THSD7A: variants seen among roughly 807,000 people sequenced by gnomAD.
THSD7A encodes the protein thrombospondin type 1 domain containing 7A, also known as thrombospondin type-1 domain-containing protein 7A.
Under a neutral mutation model 231.3 loss-of-function variants are expected in THSD7A, and 96 were observed. The ratio of observed to expected loss-of-function variants is 0.41; its 90% CI spans 0.35 to 0.49. The LOEUF is 0.49. Among genes scored for constraint, THSD7A ranks in the 20% least tolerant of loss-of-function variants. THSD7A has a pLI of 0.05. For synonymous variants in THSD7A, 940 were observed against 743.3 expected (o/e 1.26, Z -4.30); for missense variants, 2,290 against 2,070.2 (o/e 1.11, Z -2.06).
chr7:11,726,726 T>G (rs1781560835), intron 1 of THSD7A, among the ~76,000 whole-genome samples: 1 of 152,054 alleles, frequency 6.6e-6, no homozygotes. Flanking sequence ...AAATACCATG[T>G]GAATCCTGAG....
chr7:11,583,101 T>G (rs1244454128), intron 4 of THSD7A, among the ~76,000 whole-genome samples: 3 of 152,262 alleles, frequency 2.0e-5, no homozygotes, highest in Admixed American at 1.3e-4. Flanking sequence ...TGCTAATAAC[T>G]CTTTAGTTCA....
chr7:11,726,971 G>A (rs2128155642), intron 1 of THSD7A, among the ~76,000 whole-genome samples: 1 of 152,058 alleles, frequency 6.6e-6, no homozygotes, highest in South Asian at 2.1e-4. Flanking sequence ...GGCTGCTGGA[G>A]CTCTGACAAG....
Position 11,593,382 on chromosome 7 carries a change from G to C in THSD7A, c.1143C>G (p.Ser381=). The change falls in exon 3 of 28, where the codon TCC becomes TCG. Residue 381 remains serine (S), a synonymous_variant. Coordinates refer to ENST00000423059, the MANE Select transcript of THSD7A (RefSeq NM_015204.3). The stretch of plus-strand genomic sequence containing the variant: ...GTGTCCTTACACGAGTGCCTGCAGG[G>C]GACACCATGTCATGGCATGTTTTTG... ...PCSKTCHDMV[S]PAGTRVRTRT... 1 of 1,613,984 alleles carries C rather than the reference G, an allele frequency of 6.2e-7. No individual in the cohort carries two copies. Among genetic ancestry groups the C allele is most frequent in the South Asian group, 1.1e-5 (1 of 91,082 alleles).
In THSD7A at chr7:11,590,455, G is replaced by T. The variant is rs1390026290; in HGVS notation, c.1453+5C>A. ...GTGAATCCTTGAGAAGAAAGCAAAG[G>T]TTACCTTCTTTGTTCTTGTGGGTAC... On this transcript the variant is annotated splice_donor_5th_base_variant and intron_variant, in intron 4 of 27. Transcript: ENST00000423059. This position sits in a 1 kb window ranked among gnomAD's most constrained non-coding sequence, Gnocchi z 4.4. The T allele has an allele frequency of 8.7e-6, 14 of 1,607,544 alleles. No homozygotes were observed. Among genetic ancestry groups the T allele is most frequent in the African/African-American group, 1.3e-5 (1 of 74,642 alleles).
rs1230259626 is a variant in THSD7A at position 11,466,973 on chromosome 7, C to T, written c.2368+2906G>A. Reference sequence around the variant, plus strand: ...CCCAGCTCCAGGTCATTCATCATCACCCGGACCCACAGCACTATCTACCCG... The same window carrying T: ...CCCAGCTCCAGGTCATTCATCATCATCCGGACCCACAGCACTATCTACCCG... On this transcript the variant is annotated intron_variant, in intron 9 of 27. Transcript: ENST00000423059. 2.6e-5 allele frequency among the ~76,000 whole-genome samples: 4 copies of T among 152,198 alleles called. No homozygotes were observed. In the East Asian group the frequency reaches 7.7e-4, roughly 29 times the overall value.
At chr7:11,754,508 A>C (rs1323690813) in intron 1 of THSD7A, among the ~76,000 whole-genome samples, 2 of 152,092 alleles carry the variant, frequency 1.3e-5, no homozygotes, top group African/African-American at 4.8e-5. Context: ...GACCACTTTT[A>C]GCATGAATCT....
intron 4 of THSD7A, among the ~76,000 whole-genome samples, chr7:11,545,135 A>C (rs1453084517): frequency 6.6e-6 from 1 of 152,170 alleles, no homozygotes; most frequent in East Asian, 1.9e-4. Flanking sequence ...ACTATGTAGC[A>C]AATTAGCTGC....
At chr7:11,807,446 G>A (rs934367839) in intron 1 of THSD7A, among the ~76,000 whole-genome samples, 17 of 152,062 alleles carry the variant, frequency 1.1e-4, no homozygotes, top group Admixed American at 1.0e-3. Flanking sequence ...TATTAATCAA[G>A]TAAAACCCTG....
intron 23 of THSD7A, among the ~76,000 whole-genome samples, chr7:11,391,938 G>A (rs1782998743): frequency 1.3e-5 from 2 of 151,984 alleles, no homozygotes; most frequent in Admixed American, 6.5e-5. Context: ...ACTGTCCAAC[G>A]AGTCCCAATG....
intron 1 of THSD7A, among the ~76,000 whole-genome samples, chr7:11,709,476 G>A (rs1780880028): frequency 6.6e-6 from 1 of 150,736 alleles, no homozygotes; most frequent in African/African-American, 2.4e-5. Context: ...AATCACTTAT[G>A]AATCAGGTTT....
intron 1 of THSD7A, among the ~76,000 whole-genome samples, chr7:11,760,784 T>C (rs528735593): frequency 1.3e-5 from 2 of 152,006 alleles, no homozygotes; most frequent in South Asian, 2.1e-4. Flanking sequence ...TAACTGAAAA[T>C]AATTTGTGAG....
chr7:11,522,805 A>G (rs1258450759), intron 6 of THSD7A, among the ~76,000 whole-genome samples: 1 of 152,152 alleles, frequency 6.6e-6, no homozygotes, highest in Non-Finnish European at 1.5e-5. Flanking sequence ...CTATAATACG[A>G]AAGTACATGG....
chr7:11,660,270 C>T (rs990727237), intron 1 of THSD7A, among the ~76,000 whole-genome samples: 1 of 151,516 alleles, frequency 6.6e-6, no homozygotes, highest in Admixed American at 6.6e-5. Flanking sequence ...CCTTTTGCAG[C>T]ATTCCACCTA....
rs949343067 is a variant in THSD7A at position 11,468,279 on chromosome 7, GAATT to G, written c.2368+1596_2368+1599del. On this transcript the variant is annotated intron_variant, in intron 9 of 27. Transcript: ENST00000423059. Reference sequence around the variant, plus strand: ...TCTATGTAATTAATGCTTTTTAATTGAATTAATTAATAACCAACAATTACCACCT... The same window carrying G: ...TCTATGTAATTAATGCTTTTTAATTGAATTAATAACCAACAATTACCACCT... 6.0e-5 allele frequency among the ~76,000 whole-genome samples: 9 copies of G among 150,968 alleles called. No individual in the cohort carries two copies. In the South Asian group the frequency reaches 6.3e-4, roughly 10 times the overall value.
At chr7:11,826,421 T>A (rs1785028302) in intron 1 of THSD7A, among the ~76,000 whole-genome samples, 1 of 152,266 alleles carries the variant, frequency 6.6e-6, no homozygotes, top group Admixed American at 6.5e-5. Context: ...TTTGTCTGAT[T>A]AATGCTAAGT....
At chr7:11,556,259 C>CAT (rs1789839119) in intron 4 of THSD7A, among the ~76,000 whole-genome samples, 1 of 151,098 alleles carries the variant, frequency 6.6e-6, no homozygotes. Context: ...TATTACATTA[C>CAT]ATATATATGT....
intron 6 of THSD7A, among the ~76,000 whole-genome samples, chr7:11,502,780 A>C (rs1250405526): frequency 1.3e-5 from 2 of 152,084 alleles, no homozygotes; most frequent in East Asian, 3.9e-4. Flanking sequence ...ATAATTACAA[A>C]ACACTGCTCA....
At chr7:11,396,558 C>G (rs1401268655) in intron 23 of THSD7A, among the ~76,000 whole-genome samples, 1 of 152,166 alleles carries the variant, frequency 6.6e-6, no homozygotes, top group Non-Finnish European at 1.5e-5. Context: ...TGGAAACATA[C>G]TCCCTCCCAT....
chr7:11,620,204 A>C (rs1419228798), intron 2 of THSD7A, among the ~76,000 whole-genome samples: 1 of 152,210 alleles, frequency 6.6e-6, no homozygotes, highest in East Asian at 1.9e-4. Flanking sequence ...CATTGAAGTA[A>C]ATTTGTCTCT....
Sources: gnomAD v4.1 joint callset for allele counts (sites outside exome capture counted in the v4.1 genomes callset) on GRCh38, gnomAD v4.1.1 for gene constraint, Gnocchi (gnomAD v3.1) non-coding constraint, MANE v1.5 for transcripts, NCBI Gene and HGNC (gene_info 2026-07-23, HGNC 2026-07-21) for gene names.